MTF2: variants seen among roughly 807,000 people sequenced by gnomAD.
MTF2 encodes the protein metal response element binding transcription factor 2.
MTF2 carries 11 observed loss-of-function variants against 79.5 expected under a neutral mutation model. The observed-to-expected ratio is 0.14, with a 90% CI of 0.09 to 0.23. The LOEUF is 0.23. MTF2 is among the 10% of genes least tolerant of loss of function. The probability of loss-of-function intolerance (pLI) is 1.00; values close to 1 mark genes in which losing one functional copy is unlikely to be tolerated. For synonymous variants in MTF2, 208 were observed against 232.8 expected (o/e 0.89, Z 0.97); for missense variants, 486 against 711.2 (o/e 0.68, Z 3.60).
At chr1:93,129,553 C>A in intron 11 of MTF2, 105 bp downstream of exon 11, 38 of 715,846 alleles carry the variant, frequency 5.3e-5, no homozygotes, top group Non-Finnish European at 7.1e-5. Context: ...GTGGCAGTTA[C>A]TCTGATTTTT....
chr1:93,128,555 CAAAA>C (rs5776171), intron 10 of MTF2, among the ~76,000 whole-genome samples: 13 of 113,774 alleles, frequency 1.1e-4, no homozygotes, highest in Admixed American at 2.7e-4. Flanking sequence ...GACTCTGTCT[CAAAA>C]AAAAAAAAAA....
intron 6 of MTF2, among the ~76,000 whole-genome samples, chr1:93,117,155 G>T (rs1426800684): frequency 6.6e-6 from 1 of 152,128 alleles, no homozygotes; most frequent in Non-Finnish European, 1.5e-5. Context: ...TTTGGAAATG[G>T]TGCCTTTTAT....
intron 1 of MTF2, among the ~76,000 whole-genome samples, chr1:93,092,777 A>C (rs1397946843): frequency 6.6e-6 from 1 of 152,222 alleles, no homozygotes; most frequent in African/African-American, 2.4e-5. Context: ...GTATAGTTAT[A>C]TAAAACATTT....
At chr1:93,085,920 A>C (rs1654817082) in intron 1 of MTF2, among the ~76,000 whole-genome samples, 1 of 152,222 alleles carries the variant, frequency 6.6e-6, no homozygotes, top group South Asian at 2.1e-4. Context: ...TAGCATATAC[A>C]TAAACCAGTA....
chr1:93,129,168 A>G, intron 10 of MTF2, 110 bp from the exon 11 acceptor site: 1 of 657,580 alleles, frequency 1.5e-6, no homozygotes, highest in Non-Finnish European at 2.3e-6. Flanking sequence ...TTTTTGTAGT[A>G]TTGGGTGGGC....
chr1:93,134,926 ATATCT>A (rs776627797), intron 14 of MTF2, among the ~76,000 whole-genome samples: 5 of 151,246 alleles, frequency 3.3e-5, no homozygotes, highest in Admixed American at 6.6e-5. Context: ...CTCCCCTCTG[ATATCT>A]TATTTAATCC....
At chr1:93,096,601 A>G (rs1384936651) in intron 1 of MTF2, among the ~76,000 whole-genome samples, 2 of 151,042 alleles carry the variant, frequency 1.3e-5, no homozygotes, top group Non-Finnish European at 2.9e-5. Context: ...TTCCTTCAAC[A>G]TGAGATAGCT....
At chr1:93,083,389 A>G (rs1241359274) in intron 1 of MTF2, among the ~76,000 whole-genome samples, 1 of 152,346 alleles carries the variant, frequency 6.6e-6, no homozygotes, top group East Asian at 1.9e-4. Flanking sequence ...TGTAGCATTT[A>G]TAGTCACTTC....
Position 93,079,327 on chromosome 1 carries a change from C to G in MTF2, c.-200C>G, listed in dbSNP as rs955086280. On this transcript the variant is annotated 5_prime_UTR_variant, in exon 1 of 15. Coordinates refer to ENST00000370298, the MANE Select transcript of MTF2 (RefSeq NM_007358.4). ...TGGCGAGGGGCTGTATTGAAGTGGG[C>G]TGTGTTTGAGGCCGGTGTAAGAACG... 2 of 628,602 alleles carry G rather than the reference C, an allele frequency of 3.2e-6. No individual in the cohort carries two copies. The highest frequency in any genetic ancestry group is 5.7e-6 in the Non-Finnish European group (2 of 352,868). The allele number at this position is 628,602 out of a possible 1,614,324, so 38.9% of individuals were successfully genotyped here. A position where few individuals can be genotyped will look rare whatever the true frequency, so the allele number is the denominator to read the frequency against.
At chr1:93,092,221 AAC>A (rs1655102636) in intron 1 of MTF2, among the ~76,000 whole-genome samples, 1 of 152,008 alleles carries the variant, frequency 6.6e-6, no homozygotes, top group African/African-American at 2.4e-5. Context: ...TGGTTATTGA[AAC>A]AGTTTTTTCA....
At chr1:93,115,284 G>A (rs926855217) in intron 5 of MTF2, among the ~76,000 whole-genome samples, 186 bp from the exon 6 acceptor site, 1 of 152,116 alleles carries the variant, frequency 6.6e-6, no homozygotes, top group African/African-American at 2.4e-5. Context: ...ATAGTAATAC[G>A]GGAATTGGTG....
At chr1:93,133,577 T>C (rs1230428343) in intron 11 of MTF2, 126 bp from the exon 12 acceptor site, 7 of 384,754 alleles carry the variant, frequency 1.8e-5, no homozygotes, top group Non-Finnish European at 2.2e-5. Flanking sequence ...TCAACTAATA[T>C]TTACTTTTTA....
chr1:93,127,703 T>C (rs1047371242), intron 10 of MTF2, among the ~76,000 whole-genome samples: 4 of 152,180 alleles, frequency 2.6e-5, no homozygotes, highest in African/African-American at 9.7e-5. Context: ...GTGGTTATAA[T>C]AGTTAACACC....
rs1654515279 is a variant in MTF2 at position 93,079,642 on chromosome 1, T to TG, written c.5+116dup. The TG allele has an allele frequency of 6.7e-6, 7 of 1,049,316 alleles. No individual in the cohort carries two copies. The South Asian group carries it at 8.8e-5, about 13-fold the overall frequency. The allele number at this position is 1,049,316 out of a possible 1,614,324, so 65.0% of individuals were successfully genotyped here. A position where few individuals can be genotyped will look rare whatever the true frequency, so the allele number is the denominator to read the frequency against. On this transcript the variant is annotated intron_variant, in intron 1 of 14. Transcript: ENST00000370298. The stretch of plus-strand genomic sequence containing the variant: ...GAAAGATGGAGGACCAAGGTGGGGG[T>TG]GGGGGCTCCTGTATGTGGGTGCCTT...
At chr1:93,102,601 ATTG>A (rs761619584) in intron 1 of MTF2, among the ~76,000 whole-genome samples, 3 of 151,652 alleles carry the variant, frequency 2.0e-5, no homozygotes, top group Non-Finnish European at 4.4e-5. Flanking sequence ...CAAAAAAAAA[ATTG>A]TTAACAAACC....
chr1:93,096,910 A>G (rs1655315213), intron 1 of MTF2, among the ~76,000 whole-genome samples: 1 of 149,328 alleles, frequency 6.7e-6, no homozygotes, highest in South Asian at 2.1e-4. Context: ...TCCTGGGCTC[A>G]ACTGATCCTC....
Position 93,136,953 on chromosome 1 carries a change from G to C in MTF2, c.1708G>C (p.Val570Leu). 6.2e-7 allele frequency: 1 copy of C among 1,614,104 alleles called. No individual in the cohort carries two copies. The highest frequency in any genetic ancestry group is 8.5e-7 in the Non-Finnish European group (1 of 1,180,010). ...AATAGCATGTGGCGAAAAATACCGAGTTTTGGCACGTCGGGTGACACTTGA... is the reference window on the plus strand; with the variant it reads ...AATAGCATGTGGCGAAAAATACCGACTTTTGGCACGTCGGGTGACACTTGA... ...GRIACGEKYR[V>L]LARRVTLDGK... The change falls in exon 15 of 15, where the codon GTT becomes CTT. Residue 570 changes from valine to leucine, a missense_variant. This residue lies in a region of MTF2 where 25 missense variants were observed against 56.8 expected (regional missense o/e 0.44). Coordinates refer to ENST00000370298, the MANE Select transcript of MTF2 (RefSeq NM_007358.4).
At chr1:93,097,360 GT>G in intron 1 of MTF2, among the ~76,000 whole-genome samples, 1 of 152,048 alleles carries the variant, frequency 6.6e-6, no homozygotes, top group South Asian at 2.1e-4. Context: ...CATCTTCCCA[GT>G]TTCCCAAGTT....
intron 3 of MTF2, among the ~76,000 whole-genome samples, chr1:93,114,083 A>G (rs1367270100): frequency 1.3e-5 from 2 of 151,438 alleles, no homozygotes; most frequent in African/African-American, 2.4e-5. Flanking sequence ...TAATTTTGGG[A>G]CCCCCAAATT....
Sources: gnomAD v4.1 joint callset for allele counts (sites outside exome capture counted in the v4.1 genomes callset) on GRCh38, gnomAD v4.1.1 for gene constraint, gnomAD v4.1.1 regional missense constraint, MANE v1.5 for transcripts, NCBI Gene and HGNC (gene_info 2026-07-23, HGNC 2026-07-21) for gene names.